Variants in GPC3 observed in about 807,000 individuals in gnomAD.
GPC3 encodes the protein glypican 3.
A neutral mutation model predicts 34.4 loss-of-function variants in GPC3; 3 were observed. That is an observed-to-expected ratio of 0.09 (90% CI 0.04 to 0.23). The LOEUF is 0.23. Among genes scored for constraint, GPC3 ranks in the 10% least tolerant of loss-of-function variants. The pLI, the probability that GPC3 is intolerant of heterozygous loss-of-function variation, is 1.00. For synonymous variants in GPC3, 177 were observed against 174.0 expected, an observed-to-expected ratio of 1.02 and a Z score of -0.13; for missense variants, 351 against 445.6, an observed-to-expected ratio of 0.79 and a Z score of 1.91.
At chrX:133,702,351 T>A (rs1249447847) in intron 3 of GPC3, among the ~76,000 whole-genome samples, 1 of 112,249 alleles carries the variant, frequency 8.9e-6, no homozygotes, top group Non-Finnish European at 1.9e-5. Flanking sequence ...TAAACATTCA[T>A]GTGAGAACTT....
At chrX:133,596,781 C>A (rs749266009) in intron 6 of GPC3, among the ~76,000 whole-genome samples, 182 bp from the exon 7 acceptor site, 1 of 111,981 alleles carries the variant, frequency 8.9e-6, no homozygotes, top group Admixed American at 9.5e-5. Flanking sequence ...ACTTCTGAAC[C>A]TTTCCATAGC....
chrX:133,613,420 C>T (rs1323065445), intron 6 of GPC3, among the ~76,000 whole-genome samples: 2 of 111,518 alleles, frequency 1.8e-5, no homozygotes, highest in African/African-American at 6.5e-5. Context: ...TGGCAGCAGG[C>T]TAAATGTAAA....
intron 6 of GPC3, among the ~76,000 whole-genome samples, chrX:133,630,009 G>A (rs373169101): frequency 4.7e-4 from 52 of 110,204 alleles, no homozygotes; most frequent in African/African-American, 1.5e-3. Context: ...AGCCGAGATC[G>A]TGCCATTGCA....
At chrX:133,841,215 A>ATTTTTTTTTTTTTTTTTTTTTTTTTTTT (rs769696321) in intron 2 of GPC3, among the ~76,000 whole-genome samples, 5 of 39,246 alleles carry the variant, frequency 1.3e-4, no homozygotes, top group Non-Finnish European at 1.6e-4. Context: ...TAATCTTTTA[A>ATTTTTTTTTTTTTTTTTTTTTTTTTTTT]TTTTTTTTTT....
At chrX:133,596,336 G>T in intron 7 of GPC3, 104 bp downstream of exon 7, 1 of 714,439 alleles carries the variant, frequency 1.4e-6, no homozygotes, top group East Asian at 3.2e-5. Context: ...GAGATTGTGT[G>T]TTGCAGGGAA....
intron 3 of GPC3, among the ~76,000 whole-genome samples, chrX:133,731,743 A>C (rs895221202): frequency 8.9e-6 from 1 of 112,639 alleles, no homozygotes; most frequent in Non-Finnish European, 1.9e-5. Flanking sequence ...CACCCAACCA[A>C]CTAAATCTCC....
intron 5 of GPC3, among the ~76,000 whole-genome samples, chrX:133,665,752 G>C (rs1273155436): frequency 8.9e-6 from 1 of 111,803 alleles, no homozygotes; most frequent in Admixed American, 9.5e-5. Context: ...CTCACTACTA[G>C]CCTCCTCTTT....
intron 6 of GPC3, among the ~76,000 whole-genome samples, chrX:133,611,740 C>T (rs115096789): frequency 0.063 from 6,976 of 111,604 alleles, 571 homozygotes; most frequent in African/African-American, 0.21. Context: ...GAGATGAAAT[C>T]TGGTGGGATG....
At chrX:133,705,342 A>C (rs1339423571) in intron 3 of GPC3, among the ~76,000 whole-genome samples, 2 of 111,256 alleles carry the variant, frequency 1.8e-5, no homozygotes, top group Non-Finnish European at 3.8e-5. Context: ...CTGGGACTAC[A>C]GGCACACAAC....
At chrX:133,686,914 T>TTTTGTTTGTTTG (rs779216905) in intron 5 of GPC3, among the ~76,000 whole-genome samples, 1,919 of 106,946 alleles carry the variant, frequency 0.018, 56 homozygotes, top group African/African-American at 0.062. Context: ...GATTTTCTTT[T>TTTTGTTTGTTTG]TTTGTTTGTT....
chrX:133,793,817 G>T (rs1208602402), intron 2 of GPC3, among the ~76,000 whole-genome samples: 1 of 111,862 alleles, frequency 8.9e-6, no homozygotes, highest in Non-Finnish European at 1.9e-5. Context: ...GATAAGCTTA[G>T]CAGGCTTGTC....
Position 133,624,949 on chromosome X carries a change from T to A in GPC3, c.1414-28350A>T, listed in dbSNP as rs1217520647. 3.6e-5 allele frequency among the ~76,000 whole-genome samples: 4 copies of A among 111,231 alleles called. 1 individual carries two copies. The highest frequency in any genetic ancestry group is 9.8e-5 in the African/African-American group (3 of 30,554). On this transcript the variant is annotated intron_variant, in intron 6 of 7. Coordinates refer to ENST00000370818, the MANE Select transcript of GPC3 (RefSeq NM_004484.4). ...CTGGCAAACCAAATCCAGCAGCACATCAAAAAACTTATCCACCACGATCAA... is the reference window on the plus strand; with the variant it reads ...CTGGCAAACCAAATCCAGCAGCACAACAAAAAACTTATCCACCACGATCAA...
chrX:133,863,597 A>G (rs1603262294), intron 2 of GPC3, among the ~76,000 whole-genome samples: 1 of 104,001 alleles, frequency 9.6e-6, no homozygotes, highest in East Asian at 2.9e-4. Context: ...ACCACCACCA[A>G]CATCAACACA....
intron 3 of GPC3, among the ~76,000 whole-genome samples, chrX:133,725,207 T>C (rs1027745235): frequency 8.9e-6 from 1 of 111,778 alleles, no homozygotes; most frequent in East Asian, 2.8e-4. Flanking sequence ...GCAAGTTGAT[T>C]CTAAGAAGGA....
At chrX:133,789,658 A>C (rs991740893) in intron 2 of GPC3, among the ~76,000 whole-genome samples, 3 of 112,182 alleles carry the variant, frequency 2.7e-5, no homozygotes, top group Non-Finnish European at 3.8e-5. Flanking sequence ...CCCCACCATC[A>C]AACAGGGATG....
intron 2 of GPC3, among the ~76,000 whole-genome samples, chrX:133,904,944 T>C (rs1356269075): frequency 8.9e-6 from 1 of 112,182 alleles, no homozygotes; most frequent in African/African-American, 3.2e-5. Context: ...GTACCTTCAT[T>C]TGCTTTCTGG....
chrX:133,694,199 G>A (rs990965548), intron 4 of GPC3, among the ~76,000 whole-genome samples: 23 of 111,095 alleles, frequency 2.1e-4, no homozygotes, highest in African/African-American at 7.2e-4. Flanking sequence ...TTTAAGAGGC[G>A]GGGGAGGGAG....
intron 7 of GPC3, among the ~76,000 whole-genome samples, chrX:133,555,438 A>G (rs1405291547): frequency 9.8e-5 from 11 of 112,283 alleles, no homozygotes; most frequent in African/African-American, 3.6e-4. Flanking sequence ...ATCGCTGAGG[A>G]TTCTCAAATC....
At chrX:133,830,621 T>A (rs2075770247) in intron 2 of GPC3, among the ~76,000 whole-genome samples, 1 of 99,053 alleles carries the variant, frequency 1.0e-5, no homozygotes, top group African/African-American at 3.8e-5. Context: ...GAGGTTACAG[T>A]TAGCTAAGAC....
Sources: allele counts gnomAD v4.1 joint callset (sites outside exome capture counted in the v4.1 genomes callset), GRCh38; gene constraint gnomAD v4.1.1; transcripts MANE v1.5; gene names NCBI Gene and HGNC (gene_info 2026-07-23, HGNC 2026-07-21).